IL16: variants seen among roughly 807,000 people sequenced by gnomAD.
IL16 encodes the protein pro-interleukin-16.
In IL16, 67 loss-of-function variants were observed where a neutral mutation model predicts 110.1. That is an observed-to-expected ratio of 0.61 (90% confidence interval 0.50 to 0.75). The LOEUF (loss-of-function observed/expected upper bound fraction) is 0.75. Ranked by LOEUF, IL16 falls within the 30% of genes least tolerant of loss-of-function variation. IL16 has a pLI of 0.00. For synonymous variants in IL16, 689 were observed against 662.9 expected (o/e 1.04, Z -0.61); for missense variants, 1,545 against 1,655.0 (o/e 0.93, Z 1.15).
At chr15:81,200,786 C>T (rs1405852699) in intron 1 of IL16, among the ~76,000 whole-genome samples, 1 of 152,168 alleles carries the variant, frequency 6.6e-6, no homozygotes, top group Non-Finnish European at 1.5e-5. Context: ...TCTTCTCTTT[C>T]AAAAAGATGG....
At chr15:81,256,769 C>T (rs532925045) in intron 2 of IL16, among the ~76,000 whole-genome samples, 39 of 152,306 alleles carry the variant, frequency 2.6e-4, no homozygotes, top group African/African-American at 9.1e-4. Context: ...ATAGGGCTTG[C>T]TCCTCATGGA....
At chr15:81,254,058 C>T (rs1595996982) in intron 2 of IL16, among the ~76,000 whole-genome samples, 1 of 152,160 alleles carries the variant, frequency 6.6e-6, no homozygotes, top group African/African-American at 2.4e-5. Context: ...ATCAATTCAA[C>T]CACAGGAAAT....
chr15:81,231,622 C>T (rs970283841), intron 2 of IL16, among the ~76,000 whole-genome samples: 6 of 152,210 alleles, frequency 3.9e-5, no homozygotes, highest in African/African-American at 9.6e-5. Context: ...ATCCACTCAC[C>T]TTGGCCTCCC....
intron 2 of IL16, among the ~76,000 whole-genome samples, chr15:81,248,702 A>AT (rs1021315611): frequency 4.1e-5 from 4 of 97,458 alleles, no homozygotes; most frequent in African/African-American, 1.2e-4. Context: ...TATTTCTGTG[A>AT]TTTTTTTTCT....
intron 2 of IL16, among the ~76,000 whole-genome samples, chr15:81,246,596 G>T (rs186463431): frequency 2.0e-5 from 3 of 151,992 alleles, no homozygotes; most frequent in African/African-American, 7.2e-5. Flanking sequence ...TTTTTCTCCT[G>T]TACTGGTTCC....
intron 2 of IL16, among the ~76,000 whole-genome samples, chr15:81,229,315 A>G (rs557258252): frequency 6.6e-6 from 1 of 152,156 alleles, no homozygotes; most frequent in African/African-American, 2.4e-5. Context: ...GTGGCTGTTG[A>G]AAGCAGGATA....
At chr15:81,266,376 T>A (rs1213446960) in intron 4 of IL16, among the ~76,000 whole-genome samples, 1 of 152,224 alleles carries the variant, frequency 6.6e-6, no homozygotes, top group Non-Finnish European at 1.5e-5. Context: ...ACACTGAGGC[T>A]TGGCAAAGTG....
intron 1 of IL16, among the ~76,000 whole-genome samples, chr15:81,197,516 GGAGA>G (rs1595936038): frequency 1.3e-5 from 2 of 151,938 alleles, no homozygotes; most frequent in African/African-American, 4.8e-5. Context: ...GAAGGCAGCA[GGAGA>G]GAGAAAGGCC....
intron 2 of IL16, among the ~76,000 whole-genome samples, chr15:81,231,326 CTCT>C (rs1567008622): frequency 2.0e-4 from 13 of 65,986 alleles, no homozygotes; most frequent in African/African-American, 1.2e-3. Context: ...GTCGGTCTGT[CTCT>C]CTCTCTCTCT....
rs755137422 is a variant in IL16 at position 81,299,901 on chromosome 15, G to T, written c.2575G>T (p.Ala859Ser). 9.3e-6 allele frequency: 15 copies of T among 1,613,570 alleles called. No individual in the cohort carries two copies. The highest frequency in any genetic ancestry group is 1.3e-5 in the Non-Finnish European group (15 of 1,180,010). Reference protein sequence around the residue: ...FGSSQLPDKGAQRLSLQPSSG... With the variant: ...FGSSQLPDKGSQRLSLQPSSG... ...CTCCTCTCAACTGCCTGACAAAGGAGCCCAGAGACTGAGCCTCCAGCCCTC... is the reference window on the plus strand; with the variant it reads ...CTCCTCTCAACTGCCTGACAAAGGATCCCAGAGACTGAGCCTCCAGCCCTC... The change falls in exon 14 of 19, where the codon GCC becomes TCC. Residue 859 changes from alanine (A) to serine (S), a missense_variant. Transcript: ENST00000683961.
At chr15:81,256,875 T>C (rs1163273805) in intron 2 of IL16, among the ~76,000 whole-genome samples, 1 of 152,206 alleles carries the variant, frequency 6.6e-6, no homozygotes, top group Non-Finnish European at 1.5e-5. Context: ...TTTCATAGTC[T>C]TACTGGATTA....
chr15:81,214,662 T>A (rs1896362767), intron 1 of IL16, among the ~76,000 whole-genome samples: 1 of 152,170 alleles, frequency 6.6e-6, no homozygotes, highest in African/African-American at 2.4e-5. Context: ...TATTTGCATA[T>A]CAACCTCTAG....
chr15:81,271,179 C>G (rs138050173), intron 5 of IL16, among the ~76,000 whole-genome samples: 2,152 of 152,184 alleles, frequency 0.014, 35 homozygotes, highest in African/African-American at 0.04. Flanking sequence ...ATAATCCCAG[C>G]ACTTTGGGAG....
chr15:81,228,042 T>C (rs1896845240), intron 2 of IL16, among the ~76,000 whole-genome samples: 1 of 151,826 alleles, frequency 6.6e-6, no homozygotes, highest in Non-Finnish European at 1.5e-5. Flanking sequence ...CTCTTAAGGG[T>C]GCGCAGTTGT....
chr15:81,307,040 C>T (rs1900605349), intron 18 of IL16, among the ~76,000 whole-genome samples: 1 of 152,172 alleles, frequency 6.6e-6, no homozygotes, highest in Admixed American at 6.5e-5. Context: ...CAGCTCCTGC[C>T]TTTATTTAAA....
At chr15:81,294,096 T>C (rs1899872753) in intron 12 of IL16, among the ~76,000 whole-genome samples, 2 of 152,098 alleles carry the variant, frequency 1.3e-5, no homozygotes, top group Admixed American at 1.3e-4. Context: ...GGAAATCCCC[T>C]AAAACAATCT....
intron 1 of IL16, among the ~76,000 whole-genome samples, chr15:81,187,955 A>G (rs1895441804): frequency 6.6e-6 from 1 of 152,130 alleles, no homozygotes; most frequent in Non-Finnish European, 1.5e-5. Context: ...GGGTTCTGAC[A>G]GTGAGGTTAG....
chr15:81,209,576 G>A (rs1896159619), intron 1 of IL16, among the ~76,000 whole-genome samples: 1 of 152,106 alleles, frequency 6.6e-6, no homozygotes, highest in Non-Finnish European at 1.5e-5. Flanking sequence ...ATCCAAGAGT[G>A]AATTCTAAGC....
At chr15:81,265,615 G>A in intron 3 of IL16, 44 bp from the exon 4 acceptor site, 2 of 1,606,324 alleles carry the variant, frequency 1.2e-6, no homozygotes, top group Non-Finnish European at 8.5e-7. Flanking sequence ...TTTGCATTTT[G>A]AGAGCACAAA....
Sources: gnomAD v4.1 joint callset for allele counts (sites outside exome capture counted in the v4.1 genomes callset) on GRCh38, gnomAD v4.1.1 for gene constraint, MANE v1.5 for transcripts, NCBI Gene and HGNC (gene_info 2026-07-23, HGNC 2026-07-21) for gene names.